Variants in PPP2R5D observed in about 807,000 individuals in gnomAD.
PPP2R5D encodes the protein serine/threonine-protein phosphatase 2A 56 kDa regulatory subunit delta isoform.
A neutral mutation model predicts 79.1 loss-of-function variants in PPP2R5D; 12 were observed. The ratio of observed to expected loss-of-function variants is 0.15; its 90% CI spans 0.10 to 0.25. PPP2R5D has a LOEUF of 0.25. PPP2R5D is among the 10% of genes least tolerant of loss of function. PPP2R5D has a pLI of 1.00. For missense variants in PPP2R5D, 419 were observed against 760.2 expected (o/e 0.55, Z 5.28); for synonymous variants, 277 against 286.6 (o/e 0.97, Z 0.34).
chr6:42,993,032 C>A (rs1581808196), intron 2 of PPP2R5D, among the ~76,000 whole-genome samples: 1 of 151,892 alleles, frequency 6.6e-6, no homozygotes, highest in Non-Finnish European at 1.5e-5. Flanking sequence ...CATGGTGGCT[C>A]ACACCTGTAA....
chr6:42,987,003 G>C (rs558720966), intron 1 of PPP2R5D, among the ~76,000 whole-genome samples: 2 of 152,256 alleles, frequency 1.3e-5, no homozygotes, highest in African/African-American at 4.8e-5. Context: ...GGTTTGTCTG[G>C]ATGGCTGTGG....
chr6:43,011,259 C>G lies in PPP2R5D; in HGVS notation c.1782C>G (p.Phe594Leu). 6.2e-7 allele frequency: 1 copy of G among 1,614,072 alleles called. No individual in the cohort carries two copies. ...AGGCGCACAAGCGGGCGGAAGAGTT[C>G]CTAACTGCCAGCCAGGAGGCTCTCT... is the stretch of plus-strand genomic sequence containing the variant. ...ALEAHKRAEE[F>L]LTASQEAL is the part of the protein sequence containing the mutation. Residue 594 changes from phenylalanine to leucine, a missense_variant, in exon 16 of 16, where the codon TTC (phenylalanine) becomes TTG (leucine). Transcript: ENST00000485511.
intron 2 of PPP2R5D, among the ~76,000 whole-genome samples, chr6:42,993,003 A>G (rs1276938911): frequency 6.6e-6 from 1 of 151,950 alleles, no homozygotes; most frequent in Non-Finnish European, 1.5e-5. Flanking sequence ...TCTACTAAAA[A>G]TACAAAAATT....
In PPP2R5D at chr6:43,001,304, G is replaced by A. The variant is rs574219577; in HGVS notation, c.106-5159G>A. Among the ~76,000 whole-genome samples, 13 of 152,196 alleles carry A rather than the reference G, an allele frequency of 8.5e-5. No homozygotes were observed. In the East Asian group the frequency reaches 2.3e-3, roughly 27 times the overall value. Reference sequence around the variant, plus strand: ...TTATAGGCATGCGCCACCTCGCCCGGCTAACTGTATTTTTAGTTGAGTTGG... The same window carrying A: ...TTATAGGCATGCGCCACCTCGCCCGACTAACTGTATTTTTAGTTGAGTTGG... On this transcript the variant is annotated intron_variant, in intron 2 of 15. Coordinates refer to ENST00000485511, the MANE Select transcript of PPP2R5D (RefSeq NM_006245.4).
In PPP2R5D at chr6:43,008,534, G is replaced by T. The variant is rs547590873; in HGVS notation, c.1026+59G>T. ...AGGCAGCAGAGAAAAGAGCCGGCAG[G>T]AAAGTGTTCCAGCTGGGATAGGGGA... On this transcript the variant is annotated intron_variant, in intron 9 of 15. Coordinates refer to ENST00000485511, the MANE Select transcript of PPP2R5D (RefSeq NM_006245.4). This position sits in a 1 kb window ranked among gnomAD's most constrained non-coding sequence, Gnocchi z 4.2. 3.9e-6 allele frequency: 6 copies of T among 1,535,024 alleles called. No individual in the cohort carries two copies. The highest frequency in any genetic ancestry group is 3.4e-4 in the Middle Eastern group (2 of 5,890).
In PPP2R5D at chr6:43,006,800, T is replaced by C; in HGVS notation, c.323-111T>C. 6.4e-7 allele frequency: 1 copy of C among 1,570,164 alleles called. No homozygotes were observed. The highest frequency in any genetic ancestry group is 8.7e-7 in the Non-Finnish European group (1 of 1,151,438). ...AGTTCCAGAGAATGCGGGAAGGGGG[T>C]GCCAGGGAGCAGGATGGTGGCAGGG... is the stretch of plus-strand genomic sequence containing the variant. On this transcript the variant is annotated intron_variant, in intron 3 of 15. Transcript: ENST00000485511. This position sits in a 1 kb window ranked among gnomAD's most constrained non-coding sequence, Gnocchi z 4.7.
chr6:42,998,051 ATATATATTTTTTTTTTTTTTTTTT>A (rs1250953501), intron 2 of PPP2R5D, among the ~76,000 whole-genome samples: 1 of 19,068 alleles, frequency 5.2e-5, no homozygotes, highest in African/African-American at 1.9e-4. Flanking sequence ...ATATATATAT[ATATATATTTTTTTTTTTTTTTTTT>A]TTTTTTTTTT....
intron 2 of PPP2R5D, among the ~76,000 whole-genome samples, chr6:42,993,170 G>T (rs1485190667): frequency 6.6e-6 from 1 of 151,854 alleles, no homozygotes; most frequent in African/African-American, 2.4e-5. Context: ...GGTGGCACAT[G>T]CCTGTAATCC....
Position 42,984,651 on chromosome 6 carries a change from A to G in PPP2R5D, c.-27A>G. On this transcript the variant is annotated 5_prime_UTR_variant, in exon 1 of 16. Transcript: ENST00000485511. Reference sequence around the variant, plus strand: ...GCCGGAGCCGGAGCGGGGCCGCAGGAGACGGGCCGGGTCCGGACGGGCCGA... The same window carrying G: ...GCCGGAGCCGGAGCGGGGCCGCAGGGGACGGGCCGGGTCCGGACGGGCCGA... 1 of 1,592,958 alleles carries G rather than the reference A, an allele frequency of 6.3e-7. No homozygotes were observed. The highest frequency in any genetic ancestry group is 8.5e-7 in the Non-Finnish European group (1 of 1,171,344).
chr6:43,000,236 C>CTTTTTTTTTTTTTTTTTTTTTT lies in PPP2R5D; in HGVS notation c.106-6208_106-6207insTTTTTTTTTTTTTTTTTTTTTT, dbSNP rs1204045076. Among the ~76,000 whole-genome samples, 5 of 106,020 alleles carry CTTTTTTTTTTTTTTTTTTTTTT rather than the reference C, an allele frequency of 4.7e-5. 1 individual carries two copies. Among genetic ancestry groups the CTTTTTTTTTTTTTTTTTTTTTT allele is most frequent in the Admixed American group, 2.0e-4 (2 of 10,132 alleles). 69.6% of individuals were successfully genotyped at this position (106,020 alleles called of 152,430 possible). On this transcript the variant is annotated intron_variant, in intron 2 of 15. Transcript: ENST00000485511. Reference sequence around the variant, plus strand: ...GGCGTGAGCCACCACGTCTGGCCACCTTTTTTTTTTTTTTTTTTTGAGATA... The same window carrying CTTTTTTTTTTTTTTTTTTTTTT: ...GGCGTGAGCCACCACGTCTGGCCACCTTTTTTTTTTTTTTTTTTTTTTTTTTTTTTTTTTTTTTTTTGAGATA...
intron 2 of PPP2R5D, among the ~76,000 whole-genome samples, chr6:42,998,324 C>CG (rs1771937050): frequency 6.6e-6 from 1 of 150,658 alleles, no homozygotes; most frequent in East Asian, 2.0e-4. Flanking sequence ...CTGCCTGCCT[C>CG]GGCCTCCCAA....
intron 2 of PPP2R5D, among the ~76,000 whole-genome samples, chr6:42,992,003 A>G (rs74454582): frequency 6.6e-6 from 1 of 152,054 alleles, no homozygotes; most frequent in East Asian, 1.9e-4. Flanking sequence ...GTATGGGGAA[A>G]AGTTGGAGCT....
At chr6:42,993,322 T>A in intron 2 of PPP2R5D, among the ~76,000 whole-genome samples, 1 of 150,656 alleles carries the variant, frequency 6.6e-6, no homozygotes, top group African/African-American at 2.4e-5. Flanking sequence ...ATACAAAAAT[T>A]AGCCGGGCGT....
Position 43,007,653 on chromosome 6 carries a change from C to CAA in PPP2R5D, c.726+150_726+151dup. On this transcript the variant is annotated intron_variant, in intron 6 of 15. Transcript: ENST00000485511. The surrounding 1 kb of genome is among the most constrained non-coding windows in gnomAD (Gnocchi z 4.5). ...AGGCTATAAAGGGTAAAAAACAAAA[C>CAA]AAAACAAAACCCTACTCTGGCCTTA... 1.1e-6 allele frequency: 1 copy of CAA among 907,398 alleles called. No homozygotes were observed. The highest frequency in any genetic ancestry group is 1.7e-6 in the Non-Finnish European group (1 of 597,190). 56.2% of individuals were successfully genotyped at this position (907,398 alleles called of 1,614,324 possible). A position where few individuals can be genotyped will look rare whatever the true frequency, so the allele number is the denominator to read the frequency against.
intron 1 of PPP2R5D, 123 bp from the exon 2 acceptor site, chr6:42,989,488 G>A: frequency 1.2e-6 from 1 of 816,230 alleles, no homozygotes; most frequent in South Asian, 1.7e-5. Flanking sequence ...TCCGCACAAG[G>A]TAGATTCTAA....
At chr6:42,987,325 ATC>A in intron 1 of PPP2R5D, among the ~76,000 whole-genome samples, 1 of 152,266 alleles carries the variant, frequency 6.6e-6, no homozygotes, top group South Asian at 2.1e-4. Context: ...AGGGATTCGC[ATC>A]TCTCCTCTTC....
chr6:42,988,247 C>T (rs1040563882), intron 1 of PPP2R5D, among the ~76,000 whole-genome samples: 3 of 152,202 alleles, frequency 2.0e-5, no homozygotes, highest in African/African-American at 7.2e-5. Context: ...TTGAATTGCA[C>T]AATCTCAGAG....
chr6:43,007,012 A>G lies in PPP2R5D; in HGVS notation c.424A>G (p.Lys142Glu). 1 of 1,614,090 alleles carries G rather than the reference A, an allele frequency of 6.2e-7. No individual in the cohort carries two copies. Among genetic ancestry groups the G allele is most frequent in the Non-Finnish European group, 8.5e-7 (1 of 1,179,990 alleles). The change falls in exon 4 of 16, where the codon AAG becomes GAG. Residue 142 changes from lysine to glutamate, a missense_variant. Coordinates refer to ENST00000485511, the MANE Select transcript of PPP2R5D (RefSeq NM_006245.4). The surrounding 1 kb of genome is among the most constrained non-coding windows in gnomAD (Gnocchi z 4.5). ...VSDPLSDLKF[K>E]EVKRAGLNEM... ...AGACCCACTCAGTGACCTCAAATTC[A>G]AGGAGGTGAAGCGGGCAGGACTCAA...
chr6:43,006,346 G>T lies in PPP2R5D; in HGVS notation c.106-117G>T. The T allele has an allele frequency of 1.4e-6, 2 of 1,465,420 alleles. No individual in the cohort carries two copies. The highest frequency in any genetic ancestry group is 1.8e-6 in the Non-Finnish European group (2 of 1,105,634). The allele number at this position is 1,465,420 out of a possible 1,614,324, so 90.8% of individuals were successfully genotyped here. The stretch of plus-strand genomic sequence containing the variant: ...CCTGGCCTTAGCTCCTTCGGGGCAG[G>T]AGACAGCTGCTCACTGCCCAGGCCT... On this transcript the variant is annotated intron_variant, in intron 2 of 15. Coordinates refer to ENST00000485511, the MANE Select transcript of PPP2R5D (RefSeq NM_006245.4). This position sits in a 1 kb window ranked among gnomAD's most constrained non-coding sequence, Gnocchi z 4.7.
Sources: allele counts gnomAD v4.1 joint callset (sites outside exome capture counted in the v4.1 genomes callset), GRCh38; gene constraint gnomAD v4.1.1; non-coding constraint Gnocchi (gnomAD v3.1); transcripts MANE v1.5; gene names NCBI Gene and HGNC (gene_info 2026-07-23, HGNC 2026-07-21).